Variants in PTDSS1 observed in about 807,000 individuals in gnomAD.
PTDSS1 encodes PSS-1.
A neutral mutation model predicts 70.5 loss-of-function variants in PTDSS1; 45 were observed. The ratio of observed to expected loss-of-function variants is 0.64; its 90% CI spans 0.50 to 0.82. PTDSS1 has a LOEUF of 0.82. Ranked by LOEUF, PTDSS1 falls within the 40% of genes least tolerant of loss-of-function variation. PTDSS1 has a pLI of 0.00. For missense variants in PTDSS1, 417 were observed against 586.1 expected, an observed-to-expected ratio of 0.71 and a Z score of 2.98; for synonymous variants, 188 against 203.8, an observed-to-expected ratio of 0.92 and a Z score of 0.66.
rs1308102329 is a variant in PTDSS1, at chr8:96,335,409, CTGAG to C, written c.*1846_*1849del. On this transcript the variant is annotated 3_prime_UTR_variant, in exon 13 of 13. Transcript: ENST00000517309. Reference sequence around the variant, plus strand: ...TCTTTCTCACACCGGTGGTGCCTCACTGAGTGTTTCCGGGTTCATTTTCCGGGAG... The same window carrying C: ...TCTTTCTCACACCGGTGGTGCCTCACTGTTTCCGGGTTCATTTTCCGGGAG... 3.3e-5 allele frequency: 5 copies of C among 152,052 alleles called. No homozygotes were observed. Among genetic ancestry groups the C allele is most frequent in the Non-Finnish European group, 7.4e-5 (5 of 68,004 alleles). The allele number at this position is 152,052 out of a possible 1,614,324, so 9.4% of individuals were successfully genotyped here. A position where few individuals can be genotyped will look rare whatever the true frequency, so the allele number is the denominator to read the frequency against.
chr8:96,309,130 C>T lies in PTDSS1; in HGVS notation c.1008-427C>T, dbSNP rs545685954. On this transcript the variant is annotated intron_variant, in intron 8 of 12. Coordinates refer to ENST00000517309, the MANE Select transcript of PTDSS1 (RefSeq NM_014754.3). The stretch of plus-strand genomic sequence containing the variant: ...ACACCCACCTGGGGTTCCTTTGCAG[C>T]GCTGTGGAAGTCTTACCACTGAATC... 5.6e-4 allele frequency: 86 copies of T among 152,818 alleles called. 1 individual carries two copies. Among genetic ancestry groups the T allele is most frequent in the Admixed American group, 2.2e-3 (33 of 15,308 alleles). 9.5% of individuals were successfully genotyped at this position (152,818 alleles called of 1,614,324 possible). A position where few individuals can be genotyped will look rare whatever the true frequency, so the allele number is the denominator to read the frequency against.
intron 2 of PTDSS1, among the ~76,000 whole-genome samples, chr8:96,277,913 C>G (rs1242602176): frequency 1.3e-5 from 2 of 152,226 alleles, no homozygotes; most frequent in African/African-American, 4.8e-5. Context: ...GGCTTAAACA[C>G]TAAGGAAATT....
intron 2 of PTDSS1, among the ~76,000 whole-genome samples, chr8:96,274,992 A>C (rs1483021675): frequency 6.6e-6 from 1 of 152,218 alleles, no homozygotes; most frequent in Non-Finnish European, 1.5e-5. Context: ...GAAAATCTGC[A>C]TACCTTATGC....
At position 96,335,972 on chromosome 8, in the gene PTDSS1, T is replaced by G. The variant is rs1016976276; in HGVS notation, c.*2406T>G. 6.6e-6 allele frequency: 1 copy of G among 152,228 alleles called. No homozygotes were observed. Among genetic ancestry groups the G allele is most frequent in the Non-Finnish European group, 1.5e-5 (1 of 68,040 alleles). 9.4% of individuals were successfully genotyped at this position (152,228 alleles called of 1,614,324 possible). A position where few individuals can be genotyped will look rare whatever the true frequency, so the allele number is the denominator to read the frequency against. Reference sequence around the variant, plus strand: ...TTGGACCTAAAGCTTGAAGAACGGTTTATGTATTTTTCTCCTTAAGTAGCA... The same window carrying G: ...TTGGACCTAAAGCTTGAAGAACGGTGTATGTATTTTTCTCCTTAAGTAGCA... On this transcript the variant is annotated 3_prime_UTR_variant, in exon 13 of 13. Coordinates refer to ENST00000517309, the MANE Select transcript of PTDSS1 (RefSeq NM_014754.3).
intron 4 of PTDSS1, among the ~76,000 whole-genome samples, chr8:96,290,219 C>A (rs997503390): frequency 6.6e-6 from 1 of 152,164 alleles, no homozygotes; most frequent in Non-Finnish European, 1.5e-5. Flanking sequence ...TTGATGCTCA[C>A]AGGAGCCTTA....
intron 1 of PTDSS1, among the ~76,000 whole-genome samples, chr8:96,271,905 AC>A (rs1161117651): frequency 2.6e-5 from 4 of 152,078 alleles, no homozygotes; most frequent in African/African-American, 9.7e-5. Context: ...TTTTTAACTT[AC>A]CATGAGTGAG....
At chr8:96,311,651 A>C (rs1210171943) in intron 9 of PTDSS1, among the ~76,000 whole-genome samples, 8 of 152,174 alleles carry the variant, frequency 5.3e-5, no homozygotes, top group Admixed American at 5.2e-4. Flanking sequence ...GACCCTTAGA[A>C]GACTAAGGGC....
chr8:96,288,220 C>A (rs1810850585), intron 4 of PTDSS1, among the ~76,000 whole-genome samples: 1 of 152,168 alleles, frequency 6.6e-6, no homozygotes, highest in South Asian at 2.1e-4. Flanking sequence ...AAGCTTCTGT[C>A]TCTGTGGTGT....
chr8:96,305,751 G>T (rs933294598), intron 7 of PTDSS1, among the ~76,000 whole-genome samples: 4 of 152,002 alleles, frequency 2.6e-5, no homozygotes, highest in Non-Finnish European at 4.4e-5. Flanking sequence ...CGTGATCTCG[G>T]CCCACTGCAA....
chr8:96,324,663 ATG>A (rs1563584899), intron 10 of PTDSS1, among the ~76,000 whole-genome samples: 1 of 152,210 alleles, frequency 6.6e-6, no homozygotes, highest in African/African-American at 2.4e-5. Context: ...GAATCCATTC[ATG>A]AGGGCTTTGC....
intron 1 of PTDSS1, among the ~76,000 whole-genome samples, chr8:96,271,122 A>G (rs1810560010): frequency 1.3e-5 from 2 of 152,160 alleles, no homozygotes; most frequent in Non-Finnish European, 2.9e-5. Context: ...TATGTGGTGA[A>G]TACCTCTCTC....
intron 2 of PTDSS1, among the ~76,000 whole-genome samples, chr8:96,278,839 A>G (rs1001318939): frequency 9.5e-5 from 14 of 147,526 alleles, no homozygotes; most frequent in African/African-American, 3.8e-4. Flanking sequence ...CTGTACTTCA[A>G]GTGCCTGGCC....
intron 8 of PTDSS1, among the ~76,000 whole-genome samples, chr8:96,307,527 TG>T (rs767478461): frequency 6.8e-5 from 10 of 147,678 alleles, no homozygotes; most frequent in Non-Finnish European, 1.5e-4. Context: ...GTCCAAGTCC[TG>T]AGGAGTTAAG....
chr8:96,284,266 T>G, intron 3 of PTDSS1, 113 bp downstream of exon 3: 3 of 998,748 alleles, frequency 3.0e-6, no homozygotes. Flanking sequence ...TATTCTAGCT[T>G]TTTGCTTTTT....
At position 96,301,930 on chromosome 8, in the gene PTDSS1, G is replaced by C. The variant is rs986765444; in HGVS notation, c.752+2085G>C. On this transcript the variant is annotated intron_variant, in intron 6 of 12. Coordinates refer to ENST00000517309, the MANE Select transcript of PTDSS1 (RefSeq NM_014754.3). ...CAATGTTTTTGCCATTGGTTAACCA[G>C]TTTTCCCCATCCCTTTTATTACTAA... is the stretch of plus-strand genomic sequence containing the variant. 6.6e-5 allele frequency among the ~76,000 whole-genome samples: 10 copies of C among 152,246 alleles called. No homozygotes were observed. In the East Asian group the frequency reaches 1.9e-3, roughly 29 times the overall value.
intron 10 of PTDSS1, among the ~76,000 whole-genome samples, chr8:96,327,121 T>A (rs1811449018): frequency 6.6e-6 from 1 of 152,140 alleles, no homozygotes; most frequent in Non-Finnish European, 1.5e-5. Flanking sequence ...GTGTCCTGTT[T>A]TATGGGAAAT....
chr8:96,335,108 G>A lies in PTDSS1; in HGVS notation c.*1542G>A, dbSNP rs1037463282. The A allele has an allele frequency of 6.6e-6, 1 of 152,182 alleles. No individual in the cohort carries two copies. The highest frequency in any genetic ancestry group is 2.4e-5 in the African/African-American group (1 of 41,438). The allele number at this position is 152,182 out of a possible 1,614,324, so 9.4% of individuals were successfully genotyped here. A position where few individuals can be genotyped will look rare whatever the true frequency, so the allele number is the denominator to read the frequency against. ...TCAGTGGCAGCTCCGCTCACTTGGTGAGTGAGGGATTTGGCTGTGATGAGC... is the reference window on the plus strand; with the variant it reads ...TCAGTGGCAGCTCCGCTCACTTGGTAAGTGAGGGATTTGGCTGTGATGAGC... On this transcript the variant is annotated 3_prime_UTR_variant, in exon 13 of 13. Coordinates refer to ENST00000517309, the MANE Select transcript of PTDSS1 (RefSeq NM_014754.3).
At chr8:96,296,860 G>C (rs576313009) in intron 5 of PTDSS1, among the ~76,000 whole-genome samples, 1 of 152,144 alleles carries the variant, frequency 6.6e-6, no homozygotes, top group Admixed American at 6.5e-5. Flanking sequence ...GAACCCAGCC[G>C]CTGCATAGGC....
Position 96,284,721 on chromosome 8 carries a change from A to G in PTDSS1, c.316+568A>G, listed in dbSNP as rs185126840. On this transcript the variant is annotated intron_variant, in intron 3 of 12. Coordinates refer to ENST00000517309, the MANE Select transcript of PTDSS1 (RefSeq NM_014754.3). ...CTAAAGGATTTAAAATGAATCTTCA[A>G]AACTTTGGATATTGGCTTCATCTGA... 2.7e-3 allele frequency among the ~76,000 whole-genome samples: 405 copies of G among 152,360 alleles called. 4 individuals carry two copies. The highest frequency in any genetic ancestry group is 4.8e-3 in the Non-Finnish European group (329 of 68,030).
Sources: allele counts gnomAD v4.1 joint callset (sites outside exome capture counted in the v4.1 genomes callset), GRCh38; gene constraint gnomAD v4.1.1; transcripts MANE v1.5; gene names NCBI Gene and HGNC (gene_info 2026-07-23, HGNC 2026-07-21).